The following GTF2H3 variants were observed in gnomAD, a reference collection of about 807,000 sequenced individuals.
The protein encoded by GTF2H3 is TFIIH basal transcription factor complex p34 subunit.
A neutral mutation model predicts 51.1 loss-of-function variants in GTF2H3; 42 were observed. The ratio of observed to expected loss-of-function variants is 0.82; its 90% CI spans 0.64 to 1.06. GTF2H3 has a LOEUF of 1.06. Ranked by LOEUF, GTF2H3 falls within the 50% of genes least tolerant of loss-of-function variation. The probability of loss-of-function intolerance (pLI) is 0.00; values close to 1 mark genes in which losing one functional copy is unlikely to be tolerated. For missense variants in GTF2H3, 326 were observed against 366.1 expected (o/e 0.89, Z 0.89); for synonymous variants, 123 against 123.8 (o/e 0.99, Z 0.04).
intron 1 of GTF2H3, among the ~76,000 whole-genome samples, chr12:123,638,177 G>A (rs1593792609): frequency 6.7e-6 from 1 of 149,222 alleles, no homozygotes; most frequent in Non-Finnish European, 1.5e-5. Context: ...TTTTTTCCCC[G>A]AGATGAAGTC....
chr12:123,637,865 A>G (rs979878143), intron 1 of GTF2H3, among the ~76,000 whole-genome samples: 2 of 152,090 alleles, frequency 1.3e-5, no homozygotes, highest in African/African-American at 4.8e-5. Flanking sequence ...GTACGGGCCA[A>G]ATTGACAGCT....
chr12:123,652,875 C>G lies in GTF2H3; in HGVS notation c.486+140C>G, dbSNP rs1955536402. 4.3e-6 allele frequency: 3 copies of G among 696,354 alleles called. No homozygotes were observed. In the South Asian group the frequency reaches 6.7e-5, roughly 16 times the overall value. 43.1% of individuals were successfully genotyped at this position (696,354 alleles called of 1,614,324 possible). Reference sequence around the variant, plus strand: ...GGCAGATCACTTGAGGTCAGGAGTTCGGGACCAGCCTGGCCAACATGGTGA... The same window carrying G: ...GGCAGATCACTTGAGGTCAGGAGTTGGGGACCAGCCTGGCCAACATGGTGA... On this transcript the variant is annotated intron_variant, in intron 7 of 12. Transcript: ENST00000543341.
At position 123,662,497 on chromosome 12, in the gene GTF2H3, T is replaced by C. The variant is rs1955669628; in HGVS notation, c.*2262T>C. ...AGCAAGGCTTTTATTATTACTTTTT[T>C]ATTTGAAATATCTTATATATTTGGT... On this transcript the variant is annotated 3_prime_UTR_variant, in exon 13 of 13. Transcript: ENST00000543341. The C allele has an allele frequency of 6.6e-6, 1 of 152,226 alleles. No individual in the cohort carries two copies. The highest frequency in any genetic ancestry group is 2.4e-5 in the African/African-American group (1 of 41,480). 9.4% of individuals were successfully genotyped at this position (152,226 alleles called of 1,614,324 possible).
chr12:123,653,323 A>G (rs1955542333), intron 7 of GTF2H3, among the ~76,000 whole-genome samples: 1 of 151,880 alleles, frequency 6.6e-6, no homozygotes, highest in East Asian at 1.9e-4. Flanking sequence ...CAGTCAGAAT[A>G]TCAGGGAGGT....
chr12:123,635,600 A>T (rs553143605), intron 1 of GTF2H3, among the ~76,000 whole-genome samples: 71 of 148,742 alleles, frequency 4.8e-4, no homozygotes, highest in African/African-American at 1.7e-3. Context: ...AAAGGTAGAG[A>T]TAAGGTCTCA....
At chr12:123,639,395 A>T (rs1462623964) in intron 2 of GTF2H3, 52 bp downstream of exon 2, 1 of 867,296 alleles carries the variant, frequency 1.2e-6, no homozygotes, top group Non-Finnish European at 1.9e-6. Context: ...CTGAGTGTTT[A>T]TATTGCTTTT....
At chr12:123,652,124 G>T (rs898976564) in intron 5 of GTF2H3, among the ~76,000 whole-genome samples, 7 of 152,138 alleles carry the variant, frequency 4.6e-5, no homozygotes, top group Admixed American at 2.0e-4. Flanking sequence ...TCTGTGTGAC[G>T]TTTTCTCAGT....
chr12:123,643,078 A>C (rs930819888), intron 2 of GTF2H3, among the ~76,000 whole-genome samples: 1 of 152,124 alleles, frequency 6.6e-6, no homozygotes, highest in Non-Finnish European at 1.5e-5. Context: ...GGGTTTCACC[A>C]TGTTGCCCAG....
chr12:123,638,663 G>A (rs968974322), intron 1 of GTF2H3, among the ~76,000 whole-genome samples: 1 of 152,062 alleles, frequency 6.6e-6, no homozygotes, highest in African/African-American at 2.4e-5. Flanking sequence ...AGTGTGGTAG[G>A]AGTGAGGATA....
intron 1 of GTF2H3, among the ~76,000 whole-genome samples, chr12:123,636,342 G>A (rs959586859): frequency 1.3e-5 from 2 of 152,160 alleles, no homozygotes; most frequent in African/African-American, 4.8e-5. Flanking sequence ...AGTTTGCGCT[G>A]GTTTGGGGCT....
chr12:123,651,647 G>A (rs1013265825), intron 5 of GTF2H3, among the ~76,000 whole-genome samples: 2 of 151,688 alleles, frequency 1.3e-5, no homozygotes, highest in Non-Finnish European at 2.9e-5. Flanking sequence ...GTGAAACCCC[G>A]TCTCTACTAA....
At chr12:123,654,602 T>C (rs1955562570) in intron 7 of GTF2H3, among the ~76,000 whole-genome samples, 1 of 151,590 alleles carries the variant, frequency 6.6e-6, no homozygotes, top group Admixed American at 6.6e-5. Context: ...TGGGTAGGTG[T>C]GTGTATTTTG....
chr12:123,655,339 C>T (rs977587324), intron 8 of GTF2H3, among the ~76,000 whole-genome samples: 1 of 151,938 alleles, frequency 6.6e-6, no homozygotes, highest in African/African-American at 2.4e-5. Context: ...GTTGCTGTGG[C>T]GAAGCTGTAA....
At chr12:123,636,885 C>A (rs11572924) in intron 1 of GTF2H3, among the ~76,000 whole-genome samples, 2 of 152,034 alleles carry the variant, frequency 1.3e-5, no homozygotes, top group Admixed American at 1.3e-4. Context: ...CCATTACACT[C>A]CACCCTGGGC....
Position 123,639,301 on chromosome 12 carries a change from C to G in GTF2H3, c.51C>G (p.Ala17=). Residue 17 remains alanine (A), a synonymous_variant, in exon 2 of 13, where the codon GCC becomes GCG. Coordinates refer to ENST00000543341, the MANE Select transcript of GTF2H3 (RefSeq NM_001516.5). ...ELNLLVIVVD[A]NPIWWGKQAL... ...ATCTTCTGGTTATTGTAGTTGATGC[C>G]AACCCAATTTGGTGGGGAAAGCAAG... is the stretch of plus-strand genomic sequence containing the variant. 1 of 1,588,466 alleles carries G rather than the reference C, an allele frequency of 6.3e-7. No homozygotes were observed. Among genetic ancestry groups the G allele is most frequent in the Non-Finnish European group, 8.6e-7 (1 of 1,156,960 alleles).
intron 2 of GTF2H3, among the ~76,000 whole-genome samples, chr12:123,644,412 A>G (rs897718127): frequency 6.6e-6 from 1 of 152,140 alleles, no homozygotes; most frequent in African/African-American, 2.4e-5. Context: ...TCACGCCTGT[A>G]ATCCCGGCAC....
intron 2 of GTF2H3, among the ~76,000 whole-genome samples, chr12:123,640,639 T>C (rs987093304): frequency 2.1e-4 from 32 of 152,200 alleles, no homozygotes; most frequent in Middle Eastern, 3.4e-3. Context: ...TGCCTGGCCT[T>C]GTCTGTTCTT....
intron 9 of GTF2H3, among the ~76,000 whole-genome samples, chr12:123,658,375 G>A (rs963728890): frequency 2.6e-5 from 4 of 152,004 alleles, no homozygotes; most frequent in East Asian, 1.9e-4. Flanking sequence ...CCGCCACTAC[G>A]CCCAGCTAAT....
At chr12:123,655,020 T>C (rs1187907426) in intron 8 of GTF2H3, 22 bp downstream of exon 8, 1 of 1,587,538 alleles carries the variant, frequency 6.3e-7, no homozygotes, top group Non-Finnish European at 8.7e-7. Context: ...GCCTGCCGTT[T>C]AAAGTATTTG....
Sources: gnomAD v4.1 joint callset for allele counts (sites outside exome capture counted in the v4.1 genomes callset) on GRCh38, gnomAD v4.1.1 for gene constraint, MANE v1.5 for transcripts, NCBI Gene and HGNC (gene_info 2026-07-23, HGNC 2026-07-21) for gene names.